RGS5: variants seen among roughly 807,000 people sequenced by gnomAD.
The protein encoded by RGS5 is regulator of G-protein signalling 5.
RGS5 carries 20 observed loss-of-function variants against 18.9 expected under a neutral mutation model. The ratio of observed to expected loss-of-function variants is 1.06; its 90% CI spans 0.74 to 1.54. The LOEUF is 1.54. Among genes scored for constraint, RGS5 ranks in the 40% most tolerant of loss-of-function variants. RGS5 has a pLI of 0.00. For missense variants in RGS5, 201 were observed against 211.8 expected (o/e 0.95, Z 0.32); for synonymous variants, 57 against 76.2 (o/e 0.75, Z 1.31).
At chr1:163,246,774 T>G (rs1331937037) in intron 2 of RGS5, among the ~76,000 whole-genome samples, 1 of 152,106 alleles carries the variant, frequency 6.6e-6, no homozygotes, top group Non-Finnish European at 1.5e-5. Context: ...ATGATAAACT[T>G]TCCAAAAATT....
intron 2 of RGS5, among the ~76,000 whole-genome samples, chr1:163,299,656 C>T (rs1051630198): frequency 3.3e-5 from 5 of 152,074 alleles, no homozygotes; most frequent in Admixed American, 2.0e-4. Flanking sequence ...GATGACAACT[C>T]GAAAACAAAC....
intron 2 of RGS5, among the ~76,000 whole-genome samples, chr1:163,280,422 CAATA>C (rs1212149981): frequency 6.6e-6 from 1 of 151,914 alleles, no homozygotes. Flanking sequence ...ATAATCATCT[CAATA>C]GATATGAAAA....
intron 1 of RGS5, among the ~76,000 whole-genome samples, chr1:163,306,590 T>C (rs1351141094): frequency 1.3e-5 from 2 of 152,210 alleles, no homozygotes; most frequent in African/African-American, 4.8e-5. Flanking sequence ...AAGAGATATG[T>C]TGAAATCCCA....
intron 1 of RGS5, among the ~76,000 whole-genome samples, chr1:163,215,234 T>C (rs1006930858): frequency 2.6e-5 from 4 of 152,194 alleles, no homozygotes; most frequent in Non-Finnish European, 1.5e-5. Context: ...AAATCATTTA[T>C]TTGAGAGGCT....
intron 1 of RGS5, among the ~76,000 whole-genome samples, chr1:163,173,491 G>T (rs1194942345): frequency 1.3e-5 from 2 of 152,170 alleles, no homozygotes; most frequent in Non-Finnish European, 2.9e-5. Context: ...AGTCCTTCCT[G>T]CTAGTGCGTG....
intron 2 of RGS5, among the ~76,000 whole-genome samples, chr1:163,262,059 G>A (rs1648455694): frequency 1.3e-5 from 2 of 151,810 alleles, no homozygotes; most frequent in South Asian, 4.2e-4. Flanking sequence ...GAGGCGAGGA[G>A]GCAGTAGTCA....
chr1:163,251,709 C>G (rs1333569336), intron 2 of RGS5, among the ~76,000 whole-genome samples: 2 of 152,114 alleles, frequency 1.3e-5, no homozygotes, highest in African/African-American at 4.8e-5. Context: ...AACCACTATC[C>G]CTAGCTCTAT....
chr1:163,278,325 G>A (rs1648908194), intron 2 of RGS5, among the ~76,000 whole-genome samples: 1 of 152,112 alleles, frequency 6.6e-6, no homozygotes, highest in South Asian at 2.1e-4. Flanking sequence ...CTTACAGGCT[G>A]TGAAAAGTGC....
At chr1:163,318,279 G>C (rs1460391306) in intron 1 of RGS5, among the ~76,000 whole-genome samples, 1 of 152,136 alleles carries the variant, frequency 6.6e-6, no homozygotes, top group Non-Finnish European at 1.5e-5. Context: ...TAGCACACCA[G>C]GCCATGGAGT....
intron 2 of RGS5, among the ~76,000 whole-genome samples, chr1:163,231,176 CT>C (rs932513688): frequency 4.6e-5 from 7 of 152,068 alleles, no homozygotes; most frequent in Non-Finnish European, 7.4e-5. Context: ...ACATTTTTCT[CT>C]TTTTTAAATA....
intron 1 of RGS5, among the ~76,000 whole-genome samples, chr1:163,185,471 A>G (rs1659029683): frequency 6.6e-6 from 1 of 152,176 alleles, no homozygotes; most frequent in Admixed American, 6.5e-5. Flanking sequence ...ATCATATTCC[A>G]TCAAGAGTCC....
At position 163,152,566 on chromosome 1, in the gene RGS5, G is replaced by C; in HGVS notation, c.368C>G (p.Thr123Arg). Residue 123 changes from threonine (T) to arginine (R), a missense_variant, in exon 4 of 5, where the codon ACG becomes AGG. Coordinates refer to ENST00000313961, the MANE Select transcript of RGS5 (RefSeq NM_003617.4). The stretch of plus-strand genomic sequence containing the variant: ...GAGACCAACCTCTTTAGGAGCCTCC[G>C]TTTGAATGAATTCTTCATAAATTTG... ...AKQIYEEFIQ[T>R]EAPKEVNIDH... 6.2e-7 allele frequency: 1 copy of C among 1,612,280 alleles called. No homozygotes were observed. The highest frequency in any genetic ancestry group is 8.5e-7 in the Non-Finnish European group (1 of 1,179,010).
intron 1 of RGS5, chr1:163,212,789 TC>T (rs1233494232): frequency 5.9e-5 from 9 of 152,280 alleles, no homozygotes; most frequent in African/African-American, 1.7e-4. Flanking sequence ...ATCAACACCA[TC>T]CTATATTATG....
At chr1:163,158,705 TCACAGGAC>T (rs760270147) in intron 3 of RGS5, among the ~76,000 whole-genome samples, 4 of 152,104 alleles carry the variant, frequency 2.6e-5, no homozygotes, top group Non-Finnish European at 4.4e-5. Flanking sequence ...CAGGGCAAGA[TCACAGGAC>T]CACAGGACCA....
chr1:163,274,507 C>T (rs370880006), intron 2 of RGS5, among the ~76,000 whole-genome samples: 2 of 152,180 alleles, frequency 1.3e-5, no homozygotes, highest in East Asian at 1.9e-4. Context: ...AATAAACTGG[C>T]AGGCAAATAT....
At chr1:163,189,559 G>A (rs1192070189) in intron 1 of RGS5, among the ~76,000 whole-genome samples, 1 of 152,218 alleles carries the variant, frequency 6.6e-6, no homozygotes, top group Non-Finnish European at 1.5e-5. Flanking sequence ...CAAAGTTGGT[G>A]TGGGTCAAAG....
chr1:163,177,390 T>C (rs1282702261), intron 1 of RGS5, among the ~76,000 whole-genome samples: 1 of 152,198 alleles, frequency 6.6e-6, no homozygotes, highest in Admixed American at 6.5e-5. Context: ...TAGGACTTTA[T>C]TGAGATTATA....
intron 2 of RGS5, among the ~76,000 whole-genome samples, chr1:163,269,011 T>C (rs921535580): frequency 6.6e-6 from 1 of 152,150 alleles, no homozygotes; most frequent in Admixed American, 6.6e-5. Context: ...CTCTATGCTG[T>C]CGACTACTCC....
At chr1:163,238,909 T>A (rs1205016463) in intron 2 of RGS5, 4 of 181,548 alleles carry the variant, frequency 2.2e-5, no homozygotes, top group Non-Finnish European at 5.2e-5. Flanking sequence ...TCTTGGATTA[T>A]TTATGTTTAA....
Sources: allele counts gnomAD v4.1 joint callset (sites outside exome capture counted in the v4.1 genomes callset), GRCh38; gene constraint gnomAD v4.1.1; transcripts MANE v1.5; gene names NCBI Gene and HGNC (gene_info 2026-07-23, HGNC 2026-07-21).